The following DOCK3 variants were observed in gnomAD, a reference collection of about 807,000 sequenced individuals.
The protein encoded by DOCK3 is dedicator of cytokinesis protein 3.
DOCK3 carries 60 observed loss-of-function variants against 265.6 expected under a neutral mutation model. That is an observed-to-expected ratio of 0.23 (90% confidence interval 0.18 to 0.28). DOCK3 has a LOEUF of 0.28. DOCK3 is among the 10% of genes least tolerant of loss of function. The pLI, the probability that DOCK3 is intolerant of heterozygous loss-of-function variation, is 1.00. For synonymous variants in DOCK3, 881 were observed against 938.0 expected (o/e 0.94, Z 1.11); for missense variants, 1,981 against 2,594.3 (o/e 0.76, Z 5.14).
intron 5 of DOCK3, among the ~76,000 whole-genome samples, chr3:50,951,364 T>C (rs1314124337): frequency 6.6e-6 from 1 of 152,232 alleles, no homozygotes; most frequent in Non-Finnish European, 1.5e-5. Context: ...TTCACTGTAT[T>C]ACTATGTTGA....
At chr3:51,146,438 C>A in intron 9 of DOCK3, 111 bp from the exon 10 acceptor site, 2 of 1,138,788 alleles carry the variant, frequency 1.8e-6, no homozygotes, top group Non-Finnish European at 2.5e-6. Context: ...CCTTGCTTGT[C>A]ACTGCAAGCT....
intron 1 of DOCK3, among the ~76,000 whole-genome samples, chr3:50,716,893 C>T (rs570935588): frequency 2.6e-5 from 4 of 152,056 alleles, no homozygotes; most frequent in African/African-American, 9.7e-5. Flanking sequence ...ACTTTTTCCA[C>T]GGTTGTTCCT....
At chr3:50,770,446 CA>C (rs368675190) in intron 1 of DOCK3, among the ~76,000 whole-genome samples, 5 of 137,260 alleles carry the variant, frequency 3.6e-5, no homozygotes, top group Non-Finnish European at 7.9e-5. Context: ...GAAGGGGACA[CA>C]AAAAAAAAGA....
intron 27 of DOCK3, among the ~76,000 whole-genome samples, chr3:51,288,119 C>T (rs1418033160): frequency 6.6e-6 from 1 of 152,158 alleles, no homozygotes; most frequent in African/African-American, 2.4e-5. Context: ...CAGGCAGGCT[C>T]AGTGGCTCAT....
At chr3:50,683,927 G>A (rs1460911234) in intron 1 of DOCK3, among the ~76,000 whole-genome samples, 1 of 146,174 alleles carries the variant, frequency 6.8e-6, no homozygotes. Flanking sequence ...ACCTCCCAAA[G>A]TGTTGGGATT....
Position 50,882,722 on chromosome 3 carries a change from G to A in DOCK3, c.163-7304G>A, listed in dbSNP as rs561563278. On this transcript the variant is annotated intron_variant, in intron 3 of 52. Transcript: ENST00000266037. ...AAGACAGTGTGGAGATTCCTCAGGG[G>A]TCTAGAACTAGAAGTAACATTTGAC... 5.3e-5 allele frequency among the ~76,000 whole-genome samples: 8 copies of A among 152,230 alleles called. No homozygotes were observed. In the South Asian group the frequency reaches 1.5e-3, roughly 28 times the overall value.
chr3:51,044,485 G>C (rs1046786396), intron 5 of DOCK3, among the ~76,000 whole-genome samples: 3 of 151,666 alleles, frequency 2.0e-5, no homozygotes, highest in Non-Finnish European at 2.9e-5. Flanking sequence ...TGGGTACTAG[G>C]CTTAATACTT....
intron 3 of DOCK3, among the ~76,000 whole-genome samples, chr3:50,850,502 T>G (rs773266379): frequency 6.6e-6 from 1 of 152,190 alleles, no homozygotes; most frequent in Non-Finnish European, 1.5e-5. Flanking sequence ...TCCATTTTGG[T>G]TAGGGACCAT....
Position 51,226,825 on chromosome 3 carries a change from C to T in DOCK3, c.1378-458C>T, listed in dbSNP as rs1324278168. Among the ~76,000 whole-genome samples the T allele has an allele frequency of 3.3e-5, 5 of 152,162 alleles. No individual in the cohort carries two copies. The East Asian group carries it at 7.7e-4, about 23-fold the overall frequency. ...CTTGTTTATATCTAAAGAAAGTCAG[C>T]CAGGGGTGACCTAAAATGCCAGTCC... On this transcript the variant is annotated intron_variant, in intron 15 of 52. Coordinates refer to ENST00000266037, the MANE Select transcript of DOCK3 (RefSeq NM_004947.5).
intron 3 of DOCK3, among the ~76,000 whole-genome samples, chr3:50,853,905 G>A (rs2046454794): frequency 6.6e-6 from 1 of 151,470 alleles, no homozygotes; most frequent in South Asian, 2.1e-4. Context: ...TTTCCACAGG[G>A]GCTGAACTAA....
intron 38 of DOCK3, among the ~76,000 whole-genome samples, chr3:51,344,145 A>C (rs1370363352): frequency 2.0e-5 from 3 of 152,138 alleles, no homozygotes; most frequent in Admixed American, 2.0e-4. Flanking sequence ...CTCCTGCTTG[A>C]GGGTTTACCA....
chr3:50,688,564 G>A (rs558710765), intron 1 of DOCK3, among the ~76,000 whole-genome samples: 7 of 152,260 alleles, frequency 4.6e-5, no homozygotes, highest in African/African-American at 1.7e-4. Context: ...CTGGGTTCAA[G>A]CGATTCTCCT....
intron 1 of DOCK3, among the ~76,000 whole-genome samples, chr3:50,704,930 C>G (rs1196503034): frequency 6.6e-6 from 1 of 151,784 alleles, no homozygotes; most frequent in Non-Finnish European, 1.5e-5. Context: ...CGCCCGGCCT[C>G]TATATCTTTT....
intron 4 of DOCK3, among the ~76,000 whole-genome samples, chr3:50,917,786 T>C (rs1395441718): frequency 2.6e-5 from 4 of 152,126 alleles, no homozygotes; most frequent in Non-Finnish European, 5.9e-5. Flanking sequence ...ATACTTTAAG[T>C]TCTAGGGTTC....
chr3:51,202,630 A>G (rs559225552), intron 12 of DOCK3, among the ~76,000 whole-genome samples: 1 of 152,126 alleles, frequency 6.6e-6, no homozygotes, highest in Admixed American at 6.5e-5. Flanking sequence ...ACTATTCCAA[A>G]CAATAGAAAA....
chr3:51,008,032 G>A (rs1471194737), intron 5 of DOCK3, among the ~76,000 whole-genome samples: 5 of 152,168 alleles, frequency 3.3e-5, no homozygotes, highest in African/African-American at 1.2e-4. Context: ...TAGCCTTGTA[G>A]TATAGTTTGA....
intron 25 of DOCK3, among the ~76,000 whole-genome samples, chr3:51,275,771 C>A (rs1003771704): frequency 1.3e-5 from 2 of 152,086 alleles, no homozygotes; most frequent in Non-Finnish European, 2.9e-5. Flanking sequence ...CATTTTCTTT[C>A]CTCTCTATTT....
chr3:50,888,587 A>T (rs1163367117), intron 3 of DOCK3, among the ~76,000 whole-genome samples: 1 of 152,224 alleles, frequency 6.6e-6, no homozygotes, highest in African/African-American at 2.4e-5. Context: ...AGCTGGAGGC[A>T]TCATGCTACC....
chr3:50,830,162 A>G lies in DOCK3; in HGVS notation c.122-11513A>G, dbSNP rs530084511. Among the ~76,000 whole-genome samples, 5 of 152,370 alleles carry G rather than the reference A, an allele frequency of 3.3e-5. No homozygotes were observed. In the South Asian group the frequency reaches 1.0e-3, roughly 32 times the overall value. ...AGTTATATAACTGGAAAAGGGATCC[A>G]TAATTGGGTGAACTCCATATATTTT... On this transcript the variant is annotated intron_variant, in intron 2 of 52. Coordinates refer to ENST00000266037, the MANE Select transcript of DOCK3 (RefSeq NM_004947.5).
Sources: gnomAD v4.1 joint callset for allele counts (sites outside exome capture counted in the v4.1 genomes callset) on GRCh38, gnomAD v4.1.1 for gene constraint, MANE v1.5 for transcripts, NCBI Gene and HGNC (gene_info 2026-07-23, HGNC 2026-07-21) for gene names.